Variants in RFC3 observed in about 807,000 individuals in gnomAD.
The protein encoded by RFC3 is replication factor C subunit 3, also known as A1 38 kDa subunit.
In RFC3, 41 loss-of-function variants were observed where a neutral mutation model predicts 45.1. The ratio of observed to expected loss-of-function variants is 0.91; its 90% CI spans 0.71 to 1.18. The LOEUF is 1.18. Ranked by LOEUF, RFC3 falls within the 50% of genes most tolerant of loss-of-function variation. The pLI is 0.00. For missense variants in RFC3, 423 were observed against 428.1 expected, an observed-to-expected ratio of 0.99 and a Z score of 0.10; for synonymous variants, 149 against 144.0, an observed-to-expected ratio of 1.03 and a Z score of -0.25.
intron 8 of RFC3, among the ~76,000 whole-genome samples, chr13:33,894,250 T>C (rs9315268): frequency 0.11 from 17,433 of 152,070 alleles, 2,045 homozygotes; most frequent in African/African-American, 0.3. Flanking sequence ...ATCCAGGATA[T>C]GGGGGAGGGC....
At chr13:33,848,717 C>T (rs1566393851) in intron 8 of RFC3, 1 of 151,994 alleles carries the variant, frequency 6.6e-6, no homozygotes, top group Non-Finnish European at 1.5e-5. Context: ...TAGATGGACT[C>T]ATGGCTAGGT....
At chr13:33,842,753 C>T (rs753299634) in intron 8 of RFC3, among the ~76,000 whole-genome samples, 95 of 152,272 alleles carry the variant, frequency 6.2e-4, no homozygotes, top group Non-Finnish European at 1.2e-3. Context: ...TATATTTTGT[C>T]CAGTTTTTTA....
chr13:33,918,054 GTTGAGGAAACTTGGATTCAGA>G (rs2082744408), intron 8 of RFC3, among the ~76,000 whole-genome samples: 1 of 152,120 alleles, frequency 6.6e-6, no homozygotes, highest in African/African-American at 2.4e-5. Flanking sequence ...TCCTATTACA[GTTGAGGAAACTTGGATTCAGA>G]AAGGTCCAGA....
chr13:33,962,716 A>G (rs2137869276), intron 8 of RFC3, among the ~76,000 whole-genome samples: 1 of 152,340 alleles, frequency 6.6e-6, no homozygotes, highest in Admixed American at 6.5e-5. Context: ...GAAAATCAAA[A>G]TAAAAGATTC....
intron 8 of RFC3, among the ~76,000 whole-genome samples, chr13:33,885,176 T>G (rs1315590562): frequency 6.6e-6 from 1 of 152,200 alleles, no homozygotes; most frequent in Non-Finnish European, 1.5e-5. Flanking sequence ...TGTTATATTA[T>G]CAAACTGCAT....
At chr13:33,906,163 GGCTGTAA>G (rs2082670743) in intron 8 of RFC3, among the ~76,000 whole-genome samples, 1 of 152,002 alleles carries the variant, frequency 6.6e-6, no homozygotes, top group Non-Finnish European at 1.5e-5. Context: ...ACAGTTCTTA[GGCTGTAA>G]TTCAGCTCTG....
chr13:33,828,090 G>T (rs2082067483), intron 4 of RFC3, among the ~76,000 whole-genome samples: 2 of 152,126 alleles, frequency 1.3e-5, no homozygotes, highest in Admixed American at 6.6e-5. Context: ...TGGGATTGCA[G>T]TGAGCCATGA....
intron 8 of RFC3, among the ~76,000 whole-genome samples, chr13:33,942,255 A>G (rs988574711): frequency 4.2e-4 from 64 of 152,126 alleles, no homozygotes; most frequent in African/African-American, 1.5e-3. Context: ...TTTTTTAGTA[A>G]CTAATATTAG....
In RFC3 at chr13:33,836,821, A is replaced by G. The variant is rs889776087; in HGVS notation, c.*526A>G. On this transcript the variant is annotated 3_prime_UTR_variant, in exon 9 of 9. Coordinates refer to ENST00000380071, the MANE Select transcript of RFC3 (RefSeq NM_002915.4). The stretch of plus-strand genomic sequence containing the variant: ...CAGATACCATTTCTGTTGAGGCTGC[A>G]GATTTCCAACTTTTATTTCAGTGGT... The G allele has an allele frequency of 1.5e-5, 15 of 985,854 alleles. No individual in the cohort carries two copies. Among genetic ancestry groups the G allele is most frequent in the Non-Finnish European group, 1.8e-5 (15 of 830,198 alleles). 61.1% of individuals were successfully genotyped at this position (985,854 alleles called of 1,614,324 possible). A position where few individuals can be genotyped will look rare whatever the true frequency, so the allele number is the denominator to read the frequency against.
intron 8 of RFC3, among the ~76,000 whole-genome samples, chr13:33,886,274 C>T (rs2082522162): frequency 6.6e-6 from 1 of 152,164 alleles, no homozygotes; most frequent in East Asian, 1.9e-4. Context: ...GGACCAGACA[C>T]AGTGGCTCAC....
intron 8 of RFC3, among the ~76,000 whole-genome samples, chr13:33,875,356 A>T (rs550717099): frequency 9.3e-4 from 142 of 152,322 alleles, no homozygotes; most frequent in African/African-American, 3.2e-3. Flanking sequence ...AGGAAACAAT[A>T]TGTAAGCTGA....
rs571090059 is a variant in RFC3, at chr13:33,885,014, C to T, written c.879+49797C>T. ...CTTTTATTTCTCTCAGGCACTGCAC[C>T]GTGCTGGGAAGAGGCACAGTGGGCT... is the stretch of plus-strand genomic sequence containing the variant. On this transcript the variant is annotated intron_variant, in intron 8 of 8. Coordinates refer to the RFC3 transcript ENST00000434425. 1.8e-4 allele frequency among the ~76,000 whole-genome samples: 27 copies of T among 152,240 alleles called. 1 individual carries two copies. The South Asian group carries it at 2.5e-3, about 14-fold the overall frequency.
chr13:33,945,545 G>A (rs189351056), intron 8 of RFC3, among the ~76,000 whole-genome samples: 1 of 152,272 alleles, frequency 6.6e-6, no homozygotes, highest in Admixed American at 6.5e-5. Flanking sequence ...ACGAGGCTCT[G>A]TACATCTCTC....
intron 8 of RFC3, among the ~76,000 whole-genome samples, chr13:33,857,751 C>A (rs560164973): frequency 2.0e-5 from 3 of 152,056 alleles, no homozygotes; most frequent in African/African-American, 7.2e-5. Flanking sequence ...TTGTTCAGCA[C>A]TTATTGTATA....
chr13:33,861,393 C>T (rs575530639), intron 8 of RFC3, among the ~76,000 whole-genome samples: 10 of 152,050 alleles, frequency 6.6e-5, no homozygotes, highest in African/African-American at 1.2e-4. Context: ...TTTGGGAGGC[C>T]GAGGCGGGCA....
Position 33,829,861 on chromosome 13 carries a change from A to T in RFC3, c.417A>T (p.Lys139Asn), listed in dbSNP as rs200751265. The T allele has an allele frequency of 6.2e-7, 1 of 1,613,970 alleles. No individual in the cohort carries two copies. The highest frequency in any genetic ancestry group is 8.5e-7 in the Non-Finnish European group (1 of 1,179,978). Residue 139 changes from lysine to asparagine, a missense_variant, in exon 5 of 9, where the codon AAA (lysine) becomes AAT (asparagine). Transcript: ENST00000380071. ...FKVVLLTEVDKLTKDAQHALR... is the reference protein window; with the variant it reads ...FKVVLLTEVDNLTKDAQHALR... ...TGGTATTATTGACAGAAGTTGACAA[A>T]CTCACCAAAGATGCTCAGCATGCCT...
At chr13:33,941,009 T>A (rs2082920541) in intron 8 of RFC3, among the ~76,000 whole-genome samples, 1 of 152,208 alleles carries the variant, frequency 6.6e-6, no homozygotes, top group South Asian at 2.1e-4. Flanking sequence ...AGTGTTTACA[T>A]CAGATGCTTT....
intron 8 of RFC3, among the ~76,000 whole-genome samples, chr13:33,900,833 CAAAA>C: frequency 7.1e-6 from 1 of 140,896 alleles, no homozygotes; most frequent in Middle Eastern, 3.6e-3. Context: ...AACTGAATAG[CAAAA>C]AAAAAAAAAA....
chr13:33,948,922 A>G (rs1301745100), intron 8 of RFC3, among the ~76,000 whole-genome samples: 1 of 152,158 alleles, frequency 6.6e-6, no homozygotes, highest in Non-Finnish European at 1.5e-5. Context: ...GGCAGAAGCA[A>G]CTTGTGTTGT....
Sources: gnomAD v4.1 joint callset for allele counts (sites outside exome capture counted in the v4.1 genomes callset) on GRCh38, gnomAD v4.1.1 for gene constraint, MANE v1.5 for transcripts, NCBI Gene and HGNC (gene_info 2026-07-23, HGNC 2026-07-21) for gene names.